The following NDUFAF6 variants were observed in gnomAD, a reference collection of about 807,000 sequenced individuals.
NDUFAF6 encodes the protein NADH:ubiquinone oxidoreductase complex assembly factor 6.
In NDUFAF6, 45 loss-of-function variants were observed where a neutral mutation model predicts 40.8. The observed-to-expected ratio is 1.10, with a 90% CI of 0.87 to 1.42. NDUFAF6 has a LOEUF of 1.42. Ranked by LOEUF, NDUFAF6 falls within the 40% of genes most tolerant of loss-of-function variation. The pLI is 0.00. For missense variants in NDUFAF6, 435 were observed against 418.5 expected (o/e 1.04, Z -0.34); for synonymous variants, 185 against 155.9 (o/e 1.19, Z -1.39).
At chr8:95,041,937 C>CGTGT in intron 4 of NDUFAF6, among the ~76,000 whole-genome samples, 2 of 151,926 alleles carry the variant, frequency 1.3e-5, no homozygotes, top group African/African-American at 4.8e-5. Flanking sequence ...TATCTGGTGA[C>CGTGT]ATGTTAAAGA....
chr8:94,926,889 A>G (rs1819944069), intron 1 of NDUFAF6: 1 of 152,230 alleles, frequency 6.6e-6, no homozygotes. Context: ...TATAATTTTA[A>G]GCATTAAAGT....
Position 95,111,113 on chromosome 8 carries a change from G to A in NDUFAF6, n.345-4423G>A, listed in dbSNP as rs141177678. ...GCCGAGACACCAAGAGCAGCCAGGG[G>A]GTAGCCAGCGAACTCAAGACTTTTA... On this transcript the variant is annotated intron_variant and non_coding_transcript_variant, in intron 4 of 5. Coordinates refer to the NDUFAF6 transcript ENST00000523184. Among the ~76,000 whole-genome samples the A allele has an allele frequency of 2.7e-3, 414 of 152,248 alleles. 2 individuals are homozygous for A. The highest frequency in any genetic ancestry group is 9.7e-3 in the African/African-American group (403 of 41,526).
intron 2 of NDUFAF6, among the ~76,000 whole-genome samples, chr8:95,093,268 T>C (rs1809329181): frequency 6.6e-6 from 1 of 152,222 alleles, no homozygotes; most frequent in Non-Finnish European, 1.5e-5. Context: ...ATCAGAATGA[T>C]AATATCTATC....
chr8:94,918,186 T>C (rs1819264758), intron 1 of NDUFAF6, among the ~76,000 whole-genome samples: 1 of 152,200 alleles, frequency 6.6e-6, no homozygotes, highest in South Asian at 2.1e-4. Flanking sequence ...ATCAGTGCCA[T>C]GGAAGCAGTC....
intron 2 of NDUFAF6, among the ~76,000 whole-genome samples, chr8:95,092,138 G>A (rs1299536065): frequency 6.6e-6 from 1 of 150,748 alleles, no homozygotes; most frequent in Non-Finnish European, 1.5e-5. Flanking sequence ...GTCTCTAAAT[G>A]AAACTATCTA....
chr8:94,963,875 G>T (rs1050777380), intron 1 of NDUFAF6, among the ~76,000 whole-genome samples: 2 of 152,200 alleles, frequency 1.3e-5, no homozygotes, highest in Non-Finnish European at 2.9e-5. Flanking sequence ...GAAGCTCAGT[G>T]CACAAGCTCA....
At chr8:95,039,225 C>T (rs2131835440) in intron 3 of NDUFAF6, among the ~76,000 whole-genome samples, 1 of 151,506 alleles carries the variant, frequency 6.6e-6, no homozygotes, top group African/African-American at 2.4e-5. Context: ...GAGGCCGAGG[C>T]GGGTGGATCA....
At chr8:95,089,972 C>T (rs1439743545) in intron 2 of NDUFAF6, among the ~76,000 whole-genome samples, 1 of 152,118 alleles carries the variant, frequency 6.6e-6, no homozygotes, top group Admixed American at 6.6e-5. Context: ...ATCTGCTGCC[C>T]TGCGGGTCCT....
intron 2 of NDUFAF6, among the ~76,000 whole-genome samples, chr8:95,009,307 A>G (rs556865816): frequency 1.3e-5 from 2 of 152,196 alleles, no homozygotes; most frequent in Non-Finnish European, 2.9e-5. Context: ...CATAATACAT[A>G]TATACCTCCA....
intron 1 of NDUFAF6, among the ~76,000 whole-genome samples, chr8:94,897,000 G>A (rs1275159057): frequency 6.6e-6 from 1 of 152,142 alleles, no homozygotes; most frequent in Non-Finnish European, 1.5e-5. Context: ...GGCAGAAGTT[G>A]CCTCCCTTTT....
At chr8:95,031,277 G>T (rs1397486394) in intron 1 of NDUFAF6, among the ~76,000 whole-genome samples, 2 of 152,204 alleles carry the variant, frequency 1.3e-5, no homozygotes, top group African/African-American at 4.8e-5. Context: ...AGCAGGTGCT[G>T]CAAGGAAACG....
intron 2 of NDUFAF6, chr8:94,950,415 T>G (rs939431105): frequency 1.3e-5 from 2 of 152,344 alleles, no homozygotes; most frequent in African/African-American, 4.8e-5. Context: ...GACTGGGATG[T>G]AGTTCTTTGA....
At chr8:95,112,550 C>A (rs895099382) in intron 4 of NDUFAF6, among the ~76,000 whole-genome samples, 4 of 152,176 alleles carry the variant, frequency 2.6e-5, no homozygotes, top group Non-Finnish European at 5.9e-5. Flanking sequence ...GAGTGGATTT[C>A]TATTGTCTTT....
At chr8:94,977,417 G>C (rs139866865) in intron 1 of NDUFAF6, among the ~76,000 whole-genome samples, 77 of 151,590 alleles carry the variant, frequency 5.1e-4, no homozygotes, top group African/African-American at 1.8e-3. Flanking sequence ...TAGTACTCAG[G>C]TGACCTGAGG....
intron 9 of NDUFAF6, among the ~76,000 whole-genome samples, chr8:95,070,574 G>C (rs1290780681): frequency 6.6e-6 from 1 of 152,242 alleles, no homozygotes; most frequent in Non-Finnish European, 1.5e-5. Context: ...CTAAAAATGA[G>C]TGTTGAGTTT....
At chr8:95,034,095 A>G (rs1459677180) in intron 2 of NDUFAF6, 1 of 457,634 alleles carries the variant, frequency 2.2e-6, no homozygotes, top group Non-Finnish European at 4.4e-6. Flanking sequence ...CCACCAGGAT[A>G]TTTGGAAGTA....
intron 2 of NDUFAF6, among the ~76,000 whole-genome samples, chr8:94,998,795 C>T (rs1466029639): frequency 2.6e-5 from 4 of 152,064 alleles, no homozygotes; most frequent in African/African-American, 4.8e-5. Flanking sequence ...AAACCAAGGA[C>T]TTGCAGGTAG....
chr8:94,910,142 TTTTG>T (rs1020058321), intron 1 of NDUFAF6, among the ~76,000 whole-genome samples: 3 of 152,190 alleles, frequency 2.0e-5, no homozygotes, highest in Admixed American at 6.6e-5. Context: ...AGGAACTTTT[TTTTG>T]TTTGTTTTTT....
chr8:94,988,252 A>G (rs1723677691), intron 2 of NDUFAF6: 1 of 152,220 alleles, frequency 6.6e-6, no homozygotes, highest in Non-Finnish European at 1.5e-5. Context: ...TAAATTTGGA[A>G]TATCCCTGGA....
Sources: gnomAD v4.1 joint callset for allele counts (sites outside exome capture counted in the v4.1 genomes callset) on GRCh38, gnomAD v4.1.1 for gene constraint, MANE v1.5 for transcripts, NCBI Gene and HGNC (gene_info 2026-07-23, HGNC 2026-07-21) for gene names.